The following MUC3A variants were observed in gnomAD, a reference collection of about 807,000 sequenced individuals.
The protein encoded by MUC3A is mucin 3A, cell surface associated.
In MUC3A, 109 loss-of-function variants were observed where a neutral mutation model predicts 109.0. The observed-to-expected ratio is 1.00, with a 90% CI of 0.86 to 1.17. The LOEUF (loss-of-function observed/expected upper bound fraction) is 1.17, where lower values mean the gene tolerates loss of function less well. Among genes scored for constraint, MUC3A ranks in the 50% most tolerant of loss-of-function variants. MUC3A has a pLI of 0.00. For missense variants in MUC3A, 3,537 were observed against 2,469.4 expected (o/e 1.43, Z -9.16); for synonymous variants, 1,398 against 981.4 (o/e 1.42, Z -7.93).
In MUC3A at chr7:100,953,824, G is replaced by A. The variant is rs1488366109; in HGVS notation, c.2045G>A (p.Gly682Asp). 3.9e-4 allele frequency: 165 copies of A among 426,316 alleles called. No homozygotes were observed. The East Asian group carries it at 5.5e-3, about 14-fold the overall frequency. 26.4% of individuals were successfully genotyped at this position (426,316 alleles called of 1,614,324 possible). A position where few individuals can be genotyped will look rare whatever the true frequency, so the allele number is the denominator to read the frequency against. The change falls in exon 2 of 12, where the codon GGC (glycine) becomes GAC (aspartate). Residue 682 changes from glycine (G) to aspartate (D), a missense_variant. Coordinates refer to ENST00000379458, the MANE Select transcript of MUC3A (RefSeq NM_005960.2). ...PVPSTEVVTS[G>D]TINTIPPSIL... ...CCAAGCACAGAAGTAGTCACCAGTG[G>A]CACCATAAACACAATCCCTCCATCT... is the stretch of plus-strand genomic sequence containing the variant.
chr7:100,951,384 G>A (rs548543369), intron 1 of MUC3A, among the ~76,000 whole-genome samples: 68 of 149,736 alleles, frequency 4.5e-4, no homozygotes, highest in South Asian at 1.9e-3. Context: ...CTTTGAAAGC[G>A]GAGTCAGCCC....
rs1379876013 is a variant in MUC3A at position 100,968,153 on chromosome 7, C to A, written c.*991C>A. ...TTCGATCCCCCTCCCTTCTTGCCTC[C>A]CCTCTGCCTTTTAAACCCATCCCCT... On this transcript the variant is annotated 3_prime_UTR_variant, in exon 12 of 12. Transcript: ENST00000379458. 0.025 allele frequency: 2,986 copies of A among 118,114 alleles called. No individual in the cohort carries two copies. The highest frequency in any genetic ancestry group is 0.091 in the African/African-American group (2,840 of 31,276). 7.3% of individuals were successfully genotyped at this position (118,114 alleles called of 1,614,324 possible).
At chr7:100,949,802 G>C (rs77461627) in intron 1 of MUC3A, 117 bp downstream of exon 1, 1 of 777,914 alleles carries the variant, frequency 1.3e-6, no homozygotes, top group African/African-American at 4.7e-5. Context: ...CACCGCTTGG[G>C]GCTCTGGGTG....
rs139490394 is a variant in MUC3A, at chr7:100,963,897, T to C, written c.9233+145T>C. 9.5e-4 allele frequency: 1,161 copies of C among 1,218,522 alleles called. No individual in the cohort carries two copies. In the African/African-American group the frequency reaches 0.015, roughly 16 times the overall value. 75.5% of individuals were successfully genotyped at this position (1,218,522 alleles called of 1,614,324 possible). ...ATAAGGAATCACTCCCTGGGTATTT[T>C]TTCGGATCGTTTTCTGGGGCCATTT... On this transcript the variant is annotated intron_variant, in intron 5 of 11. Transcript: ENST00000379458.
chr7:100,963,655 C>A, intron 4 of MUC3A, 33 bp from the exon 5 acceptor site: 1 of 1,596,036 alleles, frequency 6.3e-7, no homozygotes, highest in Non-Finnish European at 8.5e-7. Flanking sequence ...TCTGCAGGTT[C>A]GGACGTGAGC....
rs1231153999 is a variant in MUC3A at position 100,958,220 on chromosome 7, A to C, written c.6441A>C (p.Ser2147=). 7.7e-5 allele frequency: 11 copies of C among 142,326 alleles called. No individual in the cohort carries two copies. The highest frequency in any genetic ancestry group is 1.5e-4 in the East Asian group (1 of 6,486). The allele number at this position is 142,326 out of a possible 1,614,324, so 8.8% of individuals were successfully genotyped here. A position where few individuals can be genotyped will look rare whatever the true frequency, so the allele number is the denominator to read the frequency against. Residue 2147 remains serine (S), a synonymous_variant, in exon 2 of 12, where the codon TCA becomes TCC. Coordinates refer to ENST00000379458, the MANE Select transcript of MUC3A (RefSeq NM_005960.2). The part of the protein sequence containing the change: ...ATHSTPNFTS[S]ITTTETTSHS... ...ACAGTACTCCCAACTTCACTTCTTC[A>C]ATCACCACCACCGAGACCACATCCC...
In MUC3A at chr7:100,959,924, C is replaced by G. The variant is rs1792260588; in HGVS notation, c.8145C>G (p.Tyr2715Ter). Residue 2715 changes from tyrosine (Y) to a stop codon, truncating the protein, a stop_gained, in exon 2 of 12, where the codon TAC becomes TAG. Transcript: ENST00000379458. LOFTEE classifies it high-confidence loss of function. The stretch of plus-strand genomic sequence containing the variant: ...TTCATTCTGTTCCTTCTTCACCATA[C>G]ATTTTCAGTACAGAAAATGTGGGCT... ...TTIHSVPSSP[Y>*]IFSTENVGSA... 1 of 1,514,384 alleles carries G rather than the reference C, an allele frequency of 6.6e-7. No individual in the cohort carries two copies. The highest frequency in any genetic ancestry group is 8.8e-7 in the Non-Finnish European group (1 of 1,142,172). 93.8% of individuals were successfully genotyped at this position (1,514,384 alleles called of 1,614,324 possible).
rs368193457 is a variant in MUC3A at position 100,967,436 on chromosome 7, A to T, written c.*274A>T. 1.7e-6 allele frequency: 1 copy of T among 599,854 alleles called. No individual in the cohort carries two copies. Among genetic ancestry groups the T allele is most frequent in the African/African-American group, 1.9e-5 (1 of 53,222 alleles). The allele number at this position is 599,854 out of a possible 1,614,324, so 37.2% of individuals were successfully genotyped here. Reference sequence around the variant, plus strand: ...TCCTCACCTGCAAAACGGGTACAGCATTCCTGTATGATAGCTCACGCCGTT... The same window carrying T: ...TCCTCACCTGCAAAACGGGTACAGCTTTCCTGTATGATAGCTCACGCCGTT... On this transcript the variant is annotated 3_prime_UTR_variant, in exon 12 of 12. Coordinates refer to ENST00000379458, the MANE Select transcript of MUC3A (RefSeq NM_005960.2).
At chr7:100,965,937 G>T (rs1404356665) in intron 8 of MUC3A, 71 bp downstream of exon 8, 1 of 1,503,170 alleles carries the variant, frequency 6.7e-7, no homozygotes, top group Non-Finnish European at 8.9e-7. Context: ...CCTGCCCCAT[G>T]CTCCGCCCCG....
At chr7:100,966,859 C>G (rs1792592666) in intron 10 of MUC3A, 40 bp from the exon 11 acceptor site, 1 of 1,598,496 alleles carries the variant, frequency 6.3e-7, no homozygotes, top group African/African-American at 1.3e-5. Context: ...TCCGTCCCCT[C>G]CCTCTCCCCT....
intron 5 of MUC3A, 32 bp from the exon 6 acceptor site, chr7:100,964,663 T>G: frequency 6.3e-7 from 1 of 1,580,272 alleles, no homozygotes. Flanking sequence ...TGTTCCTGGC[T>G]GGGGCACTCT....
chr7:100,964,674 C>T (rs749606547), intron 5 of MUC3A, 21 bp from the exon 6 acceptor site: 118 of 1,595,668 alleles, frequency 7.4e-5, no homozygotes, highest in Non-Finnish European at 9.7e-5. Flanking sequence ...GGGGCACTCT[C>T]TAAGGCTGTG....
At chr7:100,961,147 G>C (rs1486249684) in intron 3 of MUC3A, among the ~76,000 whole-genome samples, 1 of 152,312 alleles carries the variant, frequency 6.6e-6, no homozygotes. Flanking sequence ...CCTCCCTCCT[G>C]GGCCCATCTC....
In MUC3A at chr7:100,964,707, C is replaced by G; in HGVS notation, c.9246C>G (p.Ile3082Met). Residue 3082 changes from isoleucine (I) to methionine (M), a missense_variant, in exon 6 of 12, where the codon ATC becomes ATG. By Grantham distance (10) the Ile-to-Met change is conservative. Transcript: ENST00000379458. Reference protein sequence around the residue: ...VEILSLRNGSIVVDYLVLLEM... With the variant: ...VEILSLRNGSMVVDYLVLLEM... ...GTGGACCCCTCAGGAATGGCAGCAT[C>G]GTGGTGGACTACCTGGTCCTGCTGG... is the stretch of plus-strand genomic sequence containing the variant. The G allele has an allele frequency of 6.3e-7, 1 of 1,598,120 alleles. No homozygotes were observed.
At position 100,966,633 on chromosome 7, in the gene MUC3A, G is replaced by C. The variant is rs755004730; in HGVS notation, c.9786-19G>C. 5 of 1,598,474 alleles carry C rather than the reference G, an allele frequency of 3.1e-6. No homozygotes were observed. The East Asian group carries it at 8.9e-5, about 28-fold the overall frequency. On this transcript the variant is annotated intron_variant, in intron 9 of 11. Coordinates refer to ENST00000379458, the MANE Select transcript of MUC3A (RefSeq NM_005960.2). ...CCAGGCGGGCCGGCTCTGTCTGACCGCGCGGCGGCCCCACCTAGGTCCTGG... is the reference window on the plus strand; with the variant it reads ...CCAGGCGGGCCGGCTCTGTCTGACCCCGCGGCGGCCCCACCTAGGTCCTGG...
chr7:100,963,565 G>T, intron 4 of MUC3A, 123 bp from the exon 5 acceptor site: 2 of 1,466,934 alleles, frequency 1.4e-6, no homozygotes, highest in East Asian at 2.3e-5. Context: ...GATTACAGGC[G>T]TGAGCCACGG....
At chr7:100,964,646 AC>A in intron 5 of MUC3A, 48 bp from the exon 6 acceptor site, 1 of 1,564,506 alleles carries the variant, frequency 6.4e-7, no homozygotes, top group Non-Finnish European at 8.6e-7. Context: ...CCCTCCAAGG[AC>A]CCATATGTTC....
At chr7:100,961,114 C>T (rs1338043379) in intron 3 of MUC3A, 177 bp downstream of exon 3, 19 of 975,468 alleles carry the variant, frequency 1.9e-5, no homozygotes, top group Admixed American at 6.2e-5. Context: ...CCGTCCTCAC[C>T]CTTAGGAGGT....
chr7:100,952,058 C>A lies in MUC3A; in HGVS notation c.279C>A (p.Asn93Lys). The A allele has an allele frequency of 6.3e-7, 1 of 1,598,674 alleles. No homozygotes were observed. The highest frequency in any genetic ancestry group is 8.5e-7 in the Non-Finnish European group (1 of 1,179,814). Residue 93 changes from asparagine (N) to lysine (K), a missense_variant, in exon 2 of 12, where the codon AAC (asparagine) becomes AAA (lysine). Coordinates refer to ENST00000379458, the MANE Select transcript of MUC3A (RefSeq NM_005960.2). ...HDTLISETLL[N>K]SPVSSNTSTT... ...CACTCATCTCTGAAACATTGCTCAA[C>A]TCTCCAGTCAGTTCCAACACCTCAA...
Sources: gnomAD v4.1 joint callset for allele counts (sites outside exome capture counted in the v4.1 genomes callset) on GRCh38, gnomAD v4.1.1 for gene constraint, MANE v1.5 for transcripts, NCBI Gene and HGNC (gene_info 2026-07-23, HGNC 2026-07-21) for gene names.